Variants in NTNG2 observed in about 807,000 individuals in gnomAD.
The protein encoded by NTNG2 is netrin-G2.
NTNG2 carries 15 observed loss-of-function variants against 47.6 expected under a neutral mutation model. The observed-to-expected ratio is 0.32, with a 90% CI of 0.21 to 0.49. The LOEUF (loss-of-function observed/expected upper bound fraction) is 0.49, where lower values mean the gene tolerates loss of function less well. Among genes scored for constraint, NTNG2 ranks in the 20% least tolerant of loss-of-function variants. The pLI, the probability that NTNG2 is intolerant of heterozygous loss-of-function variation, is 0.99. For missense variants in NTNG2, 578 were observed against 764.6 expected (o/e 0.76, Z 2.88); for synonymous variants, 307 against 324.6 (o/e 0.95, Z 0.58).
At chr9:132,205,153 T>C (rs564004633) in intron 3 of NTNG2, among the ~76,000 whole-genome samples, 1 of 152,266 alleles carries the variant, frequency 6.6e-6, no homozygotes, top group Non-Finnish European at 1.5e-5. Flanking sequence ...GAACAGATAC[T>C]TGTACACCCA....
At chr9:132,174,021 T>G (rs1417535630) in intron 2 of NTNG2, among the ~76,000 whole-genome samples, 1 of 101,114 alleles carries the variant, frequency 9.9e-6, no homozygotes, top group Non-Finnish European at 1.9e-5. Context: ...GACGGACGGA[T>G]GGACGGACAG....
intron 4 of NTNG2, among the ~76,000 whole-genome samples, chr9:132,229,005 G>C (rs535398609): frequency 7.9e-5 from 12 of 152,162 alleles, no homozygotes; most frequent in African/African-American, 2.7e-4. Flanking sequence ...TCTAGCCAGC[G>C]ATGGATAGAC....
chr9:132,168,589 A>G (rs914423), intron 2 of NTNG2, among the ~76,000 whole-genome samples: 69,361 of 151,814 alleles, frequency 0.46, 16,686 homozygotes, highest in African/African-American at 0.6. Context: ...AGGCGGCACG[A>G]AGCCAGGAGC....
In NTNG2 at chr9:132,197,021, A is replaced by AGAGACCC. The variant is rs1448391162; in HGVS notation, c.214-945_214-944insGAGACCC. Among the ~76,000 whole-genome samples, 5 of 152,180 alleles carry AGAGACCC rather than the reference A, an allele frequency of 3.3e-5. No individual in the cohort carries two copies. Among genetic ancestry groups the AGAGACCC allele is most frequent in the African/African-American group, 4.8e-5 (2 of 41,448 alleles). On this transcript the variant is annotated intron_variant, in intron 2 of 7. Transcript: ENST00000393229. The surrounding 1 kb of genome is among the most constrained non-coding windows in gnomAD (Gnocchi z 4.3). ...ATAGAAGAGACTCACAGAGTAAGGG[A>AGAGACCC]TCGGGGAGAGACCCAGAGCTTCCAG...
rs202098758 is a variant in NTNG2 at position 132,195,803 on chromosome 9, A to AT, written c.214-2154dup. Among the ~76,000 whole-genome samples, 152 of 150,754 alleles carry AT rather than the reference A, an allele frequency of 1.0e-3. 1 individual carries two copies. Among genetic ancestry groups the AT allele is most frequent in the Admixed American group, 5.8e-3 (88 of 15,146 alleles). ...ACCACTATGCCCAGCTAATTTTTAA[A>AT]TTTTTTTTTGTAGATACAGGGTCTT... On this transcript the variant is annotated intron_variant, in intron 2 of 7. Coordinates refer to ENST00000393229, the MANE Select transcript of NTNG2 (RefSeq NM_032536.4).
Position 132,197,896 on chromosome 9 carries a change from C to A in NTNG2, c.214-70C>A. 1 of 1,475,372 alleles carries A rather than the reference C, an allele frequency of 6.8e-7. No homozygotes were observed. Among genetic ancestry groups the A allele is most frequent in the Non-Finnish European group, 9.2e-7 (1 of 1,091,210 alleles). The allele number at this position is 1,475,372 out of a possible 1,614,324, so 91.4% of individuals were successfully genotyped here. ...CTCGGTTCGCAGGCAGGGGCTAGGCCGCGCAGAGGCTTCCCAGGCCATCCC... is the reference window on the plus strand; with the variant it reads ...CTCGGTTCGCAGGCAGGGGCTAGGCAGCGCAGAGGCTTCCCAGGCCATCCC... On this transcript the variant is annotated intron_variant, in intron 2 of 7. Coordinates refer to ENST00000393229, the MANE Select transcript of NTNG2 (RefSeq NM_032536.4). This position sits in a 1 kb window ranked among gnomAD's most constrained non-coding sequence, Gnocchi z 4.3.
At position 132,240,789 on chromosome 9, in the gene NTNG2, G is replaced by C. The variant is rs1841923867; in HGVS notation, c.1223-121G>C. On this transcript the variant is annotated intron_variant, in intron 6 of 7. Coordinates refer to ENST00000393229, the MANE Select transcript of NTNG2 (RefSeq NM_032536.4). ...CCAGCCGCGGGCTCACGTGGACCCA[G>C]TGTGGGGAGCATCCCCTGGGGAGTG... 2.0e-6 allele frequency: 3 copies of C among 1,474,502 alleles called. No individual in the cohort carries two copies. The Admixed American group carries it at 5.7e-5, about 28-fold the overall frequency. 91.3% of individuals were successfully genotyped at this position (1,474,502 alleles called of 1,614,324 possible). A position where few individuals can be genotyped will look rare whatever the true frequency, so the allele number is the denominator to read the frequency against.
In NTNG2 at chr9:132,186,567, C is replaced by T. The variant is rs368636615; in HGVS notation, c.214-11399C>T. On this transcript the variant is annotated intron_variant, in intron 2 of 7. Transcript: ENST00000393229. ...GCCCACACCAGGCCTGGCATTTCAT[C>T]CTTGCTTTCTGACCTTGGCTTCCCA... is the stretch of plus-strand genomic sequence containing the variant. Among the ~76,000 whole-genome samples the T allele has an allele frequency of 2.6e-5, 4 of 152,312 alleles. No individual in the cohort carries two copies. The South Asian group carries it at 6.2e-4, about 24-fold the overall frequency.
chr9:132,200,443 A>G (rs1838658104), intron 3 of NTNG2, among the ~76,000 whole-genome samples: 1 of 152,260 alleles, frequency 6.6e-6, no homozygotes, highest in South Asian at 2.1e-4. Flanking sequence ...TAAAATATAT[A>G]ATATGCCTTG....
At position 132,180,314 on chromosome 9, in the gene NTNG2, G is replaced by A. The variant is rs1364438919; in HGVS notation, c.213+13270G>A. On this transcript the variant is annotated intron_variant, in intron 2 of 7. Coordinates refer to ENST00000393229, the MANE Select transcript of NTNG2 (RefSeq NM_032536.4). This position sits in a 1 kb window ranked among gnomAD's most constrained non-coding sequence, Gnocchi z 4.2. ...GTGCTCCTGCCCTCCACCAAGGCAG[G>A]CCATCCTCTGCTGCCAGCCTGCAAC... Among the ~76,000 whole-genome samples the A allele has an allele frequency of 6.6e-6, 1 of 152,266 alleles. No individual in the cohort carries two copies. Among genetic ancestry groups the A allele is most frequent in the African/African-American group, 2.4e-5 (1 of 41,470 alleles).
At position 132,218,064 on chromosome 9, in the gene NTNG2, A is replaced by C. The variant is rs1360473354; in HGVS notation, c.858-8785A>C. Among the ~76,000 whole-genome samples the C allele has an allele frequency of 1.3e-5, 2 of 152,212 alleles. No homozygotes were observed. The highest frequency in any genetic ancestry group is 4.8e-5 in the African/African-American group (2 of 41,454). ...GATATTGTTTCCCGCTCTTCAGGTG[A>C]GAAAAGCGAGACTCAGGTTGGCTAA... On this transcript the variant is annotated intron_variant, in intron 3 of 7. Transcript: ENST00000393229. The surrounding 1 kb of genome is among the most constrained non-coding windows in gnomAD (Gnocchi z 5.4).
At chr9:132,164,610 AT>A (rs1835366807) in intron 1 of NTNG2, among the ~76,000 whole-genome samples, 1 of 152,110 alleles carries the variant, frequency 6.6e-6, no homozygotes, top group Admixed American at 6.5e-5. Flanking sequence ...TTTTTACTAC[AT>A]TTTCTCAGGT....
intron 6 of NTNG2, among the ~76,000 whole-genome samples, chr9:132,240,406 G>C (rs1841903404): frequency 6.6e-6 from 1 of 152,200 alleles, no homozygotes; most frequent in African/African-American, 2.4e-5. Flanking sequence ...CAGGGTGGAC[G>C]ATATTCACCC....
At chr9:132,228,712 C>T (rs1186157718) in intron 4 of NTNG2, among the ~76,000 whole-genome samples, 1 of 152,172 alleles carries the variant, frequency 6.6e-6, no homozygotes, top group Non-Finnish European at 1.5e-5. Context: ...TGCACACCAC[C>T]AGGCCCAGCT....
Position 132,189,068 on chromosome 9 carries a change from CTTTTTTTTTTT to C in NTNG2, c.214-8881_214-8871del, listed in dbSNP as rs749756559. Among the ~76,000 whole-genome samples the C allele has an allele frequency of 7.5e-5, 7 of 93,282 alleles. No homozygotes were observed. The East Asian group carries it at 1.5e-3, about 20-fold the overall frequency. 61.2% of individuals were successfully genotyped at this position (93,282 alleles called of 152,430 possible). On this transcript the variant is annotated intron_variant, in intron 2 of 7. Transcript: ENST00000393229. ...TATGTGAAAAAGGCTTTAAGCCTTT[CTTTTTTTTTTT>C]TTTTTTTTTTTTTTTTAGACAGGGT...
intron 2 of NTNG2, among the ~76,000 whole-genome samples, chr9:132,183,652 A>G (rs1051197520): frequency 3.9e-5 from 6 of 152,100 alleles, no homozygotes; most frequent in Non-Finnish European, 8.8e-5. Flanking sequence ...AAAGGGAGCA[A>G]ATTGCCCGAG....
At chr9:132,237,882 G>C (rs1841739718) in intron 5 of NTNG2, among the ~76,000 whole-genome samples, 1 of 152,224 alleles carries the variant, frequency 6.6e-6, no homozygotes, top group Admixed American at 6.5e-5. Context: ...GACACTTAGA[G>C]GATGCCTCAT....
In NTNG2 at chr9:132,215,080, G is replaced by C. The variant is rs868155381; in HGVS notation, c.858-11769G>C. On this transcript the variant is annotated intron_variant, in intron 3 of 7. Transcript: ENST00000393229. This position sits in a 1 kb window ranked among gnomAD's most constrained non-coding sequence, Gnocchi z 4.2. Reference sequence around the variant, plus strand: ...TTTTTAATTTTTTTGTAGAGATTGGGGGGGGGGGTCTCACTTTCTTGCCCA... The same window carrying C: ...TTTTTAATTTTTTTGTAGAGATTGGCGGGGGGGGTCTCACTTTCTTGCCCA... Among the ~76,000 whole-genome samples the C allele has an allele frequency of 3.0e-3, 109 of 36,630 alleles. No homozygotes were observed. The highest frequency in any genetic ancestry group is 0.016 in the Middle Eastern group (1 of 64). 24.0% of individuals were successfully genotyped at this position (36,630 alleles called of 152,430 possible). A position where few individuals can be genotyped will look rare whatever the true frequency, so the allele number is the denominator to read the frequency against.
chr9:132,231,266 A>G lies in NTNG2; in HGVS notation c.1054+671A>G. 1 of 455,734 alleles carries G rather than the reference A, an allele frequency of 2.2e-6. No individual in the cohort carries two copies. The highest frequency in any genetic ancestry group is 1.6e-5 in the South Asian group (1 of 64,492). 28.2% of individuals were successfully genotyped at this position (455,734 alleles called of 1,614,324 possible). ...ATCGAGACTGTCCCCAGACACTCACAGGGTGCCAGGCACGGTCTCTCCTTT... is the reference window on the plus strand; with the variant it reads ...ATCGAGACTGTCCCCAGACACTCACGGGGTGCCAGGCACGGTCTCTCCTTT... On this transcript the variant is annotated intron_variant, in intron 5 of 7. Transcript: ENST00000393229. The surrounding 1 kb of genome is among the most constrained non-coding windows in gnomAD (Gnocchi z 4.1).
Sources: gnomAD v4.1 joint callset for allele counts (sites outside exome capture counted in the v4.1 genomes callset) on GRCh38, gnomAD v4.1.1 for gene constraint, Gnocchi (gnomAD v3.1) non-coding constraint, MANE v1.5 for transcripts, NCBI Gene and HGNC (gene_info 2026-07-23, HGNC 2026-07-21) for gene names.